TRIP11: variants seen among roughly 807,000 people sequenced by gnomAD.
TRIP11 encodes the protein thyroid hormone receptor interactor 11.
Under a neutral mutation model 223.1 loss-of-function variants are expected in TRIP11, and 148 were observed. The ratio of observed to expected loss-of-function variants is 0.66; its 90% CI spans 0.58 to 0.76. TRIP11 has a LOEUF of 0.76. Ranked by LOEUF, TRIP11 falls within the 30% of genes least tolerant of loss-of-function variation. The probability of loss-of-function intolerance (pLI) is 0.00; values close to 1 mark genes in which losing one functional copy is unlikely to be tolerated. For synonymous variants in TRIP11, 762 were observed against 772.6 expected, an observed-to-expected ratio of 0.99 and a Z score of 0.23; for missense variants, 2,043 against 2,222.0, an observed-to-expected ratio of 0.92 and a Z score of 1.62.
chr14:92,038,533 C>A (rs751828770), intron 1 of TRIP11, among the ~76,000 whole-genome samples: 13 of 152,004 alleles, frequency 8.6e-5, no homozygotes, highest in Non-Finnish European at 1.8e-4. Flanking sequence ...TCTAAATAGA[C>A]CCCACAGAAA....
intron 5 of TRIP11, 40 bp downstream of exon 5, chr14:92,017,642 A>C: frequency 6.8e-7 from 1 of 1,481,068 alleles, no homozygotes; most frequent in Non-Finnish European, 9.4e-7. Flanking sequence ...AAGCAGATTT[A>C]GATGTATAAC....
chr14:92,014,730 G>T (rs992245770), intron 6 of TRIP11, among the ~76,000 whole-genome samples, 153 bp from the exon 7 acceptor site: 4 of 152,146 alleles, frequency 2.6e-5, no homozygotes, highest in Non-Finnish European at 4.4e-5. Flanking sequence ...AAATAAATAA[G>T]TTGGGGGAAA....
At chr14:92,025,107 T>C (rs2057164471) in intron 3 of TRIP11, among the ~76,000 whole-genome samples, 1 of 152,198 alleles carries the variant, frequency 6.6e-6, no homozygotes, top group African/African-American at 2.4e-5. Context: ...GGTTGGTTTA[T>C]ATATGTAAAC....
chr14:92,014,302 G>C lies in TRIP11; in HGVS notation c.1099C>G (p.Gln367Glu). 1 of 1,614,012 alleles carries C rather than the reference G, an allele frequency of 6.2e-7. No individual in the cohort carries two copies. Among genetic ancestry groups the C allele is most frequent in the East Asian group, 2.2e-5 (1 of 44,842 alleles). ...TCCTTTTCTGTCATAGTATCACTTT[G>C]CTTCACAGCAGAAGGCTGCAATTTA... ...CSKLQPSAVK[Q>E]SDTMTEKERI... The change falls in exon 7 of 21, where the codon CAA becomes GAA. Residue 367 changes from glutamine (Q) to glutamate (E), a missense_variant. Coordinates refer to ENST00000267622, the MANE Select transcript of TRIP11 (RefSeq NM_004239.4).
chr14:92,025,478 T>A, intron 2 of TRIP11, 58 bp from the exon 3 acceptor site: 1 of 1,232,218 alleles, frequency 8.1e-7, no homozygotes, highest in Non-Finnish European at 1.2e-6. Flanking sequence ...TAATTAGTTA[T>A]GTGCACAGCA....
At chr14:92,025,523 T>G (rs979145076) in intron 2 of TRIP11, 103 bp from the exon 3 acceptor site, 58 of 768,162 alleles carry the variant, frequency 7.6e-5, no homozygotes, top group Non-Finnish European at 1.2e-4. Context: ...CCCCCAAAAA[T>G]GTCAAATATA....
At chr14:91,970,811 TAAC>T (rs1366958876) in intron 20 of TRIP11, among the ~76,000 whole-genome samples, 3 of 152,352 alleles carry the variant, frequency 2.0e-5, no homozygotes, top group African/African-American at 4.8e-5. Context: ...TCATTTACCA[TAAC>T]AACAGCTTTT....
At position 92,011,787 on chromosome 14, in the gene TRIP11, T is replaced by G. The variant is rs1211093191; in HGVS notation, c.1195A>C (p.Asn399His). The G allele has an allele frequency of 1.2e-6, 2 of 1,612,002 alleles. No individual in the cohort carries two copies. Among genetic ancestry groups the G allele is most frequent in the South Asian group, 2.2e-5 (2 of 91,048 alleles). The change falls in exon 8 of 21, where the codon AAT becomes CAT. Residue 399 changes from asparagine to histidine, a missense_variant. Transcript: ENST00000267622. The part of the protein sequence containing the change: ...RLQQALSDAE[N>H]EIMRLSSLNQ... Reference sequence around the variant, plus strand: ...AAACTACTCAATCTCATTATTTCATTTTCGGCATCTGTAAAAACAGCAAAT... The same window carrying G: ...AAACTACTCAATCTCATTATTTCATGTTCGGCATCTGTAAAAACAGCAAAT...
At chr14:92,031,306 A>G (rs12433086) in intron 2 of TRIP11, among the ~76,000 whole-genome samples, 11,960 of 152,038 alleles carry the variant, frequency 0.079, 618 homozygotes, top group Admixed American at 0.15. Context: ...TTTAGTAGAG[A>G]CAGGGTTTCA....
chr14:91,977,901 T>C (rs1479066585), intron 16 of TRIP11, among the ~76,000 whole-genome samples: 1 of 152,216 alleles, frequency 6.6e-6, no homozygotes, highest in African/African-American at 2.4e-5. Context: ...GTCATTCATA[T>C]AATAGGCCAA....
chr14:91,984,945 G>C (rs1178431793), intron 16 of TRIP11, among the ~76,000 whole-genome samples: 2 of 152,172 alleles, frequency 1.3e-5, no homozygotes, highest in African/African-American at 4.8e-5. Context: ...AAGGATAGCA[G>C]TAATTCTTTT....
At chr14:92,038,450 G>C (rs2057346943) in intron 1 of TRIP11, among the ~76,000 whole-genome samples, 1 of 152,030 alleles carries the variant, frequency 6.6e-6, no homozygotes, top group African/African-American at 2.4e-5. Flanking sequence ...TCTCACTGAT[G>C]CACCTTTATG....
intron 7 of TRIP11, among the ~76,000 whole-genome samples, chr14:92,012,400 TA>T (rs1473689151): frequency 1.3e-5 from 2 of 152,180 alleles, no homozygotes; most frequent in Non-Finnish European, 2.9e-5. Flanking sequence ...AAAAAGCTGG[TA>T]AAATTTAGCC....
chr14:91,992,908 C>CAAAAA (rs550702989), intron 15 of TRIP11, among the ~76,000 whole-genome samples: 371 of 29,260 alleles, frequency 0.013, 6 homozygotes, highest in Middle Eastern at 0.033. Flanking sequence ...GACTCCGTCT[C>CAAAAA]AAAAAAAAAA....
At chr14:91,979,009 T>C (rs564545541) in intron 16 of TRIP11, among the ~76,000 whole-genome samples, 7 of 152,138 alleles carry the variant, frequency 4.6e-5, no homozygotes, top group African/African-American at 1.7e-4. Context: ...GTAATCCCAG[T>C]GCTTTGCGAG....
intron 9 of TRIP11, among the ~76,000 whole-genome samples, chr14:92,008,710 T>C (rs773009230): frequency 3.3e-5 from 5 of 151,920 alleles, no homozygotes; most frequent in Non-Finnish European, 7.4e-5. Context: ...TTAAATAGAG[T>C]ATTGAACCAG....
intron 16 of TRIP11, among the ~76,000 whole-genome samples, chr14:91,981,012 A>ATATATATT (rs1301331303): frequency 2.0e-5 from 1 of 49,944 alleles, no homozygotes; most frequent in African/African-American, 6.7e-5. Context: ...ATATATATAT[A>ATATATATT]TTTTTTTTTT....
At position 92,004,888 on chromosome 14, in the gene TRIP11, G is replaced by T; in HGVS notation, c.3088C>A (p.Leu1030Met). 6.2e-7 allele frequency: 1 copy of T among 1,613,824 alleles called. No homozygotes were observed. Among genetic ancestry groups the T allele is most frequent in the Non-Finnish European group, 8.5e-7 (1 of 1,179,968 alleles). ...RLVKGIKERE[L>M]EIKLLNEKNI... is the part of the protein sequence containing the mutation. ...TTTTCATTTAGAAGTTTAATCTCCA[G>T]TTCTCGCTCTTTTATTCCTTTCACT... is the stretch of plus-strand genomic sequence containing the variant. Residue 1030 changes from leucine to methionine, a missense_variant, in exon 11 of 21, where the codon CTG (leucine) becomes ATG (methionine). By Grantham distance (15) the Leu-to-Met change is conservative. Transcript: ENST00000267622.
In TRIP11 at chr14:92,039,715, G is replaced by C. The variant is rs756578141; in HGVS notation, c.-30C>G. On this transcript the variant is annotated 5_prime_UTR_variant, in exon 1 of 21. Transcript: ENST00000267622. ...GCGAGTTTAGAGAACGACCCGGTCC[G>C]CTCGGAAAAAAGAAAACGTTTAGCG... 1 of 1,603,240 alleles carries C rather than the reference G, an allele frequency of 6.2e-7. No homozygotes were observed. Among genetic ancestry groups the C allele is most frequent in the Non-Finnish European group, 8.5e-7 (1 of 1,174,848 alleles).
Sources: gnomAD v4.1 joint callset for allele counts (sites outside exome capture counted in the v4.1 genomes callset) on GRCh38, gnomAD v4.1.1 for gene constraint, MANE v1.5 for transcripts, NCBI Gene and HGNC (gene_info 2026-07-23, HGNC 2026-07-21) for gene names.